The following DAB1 variants were observed in gnomAD, a reference collection of about 807,000 sequenced individuals.
DAB1 encodes the protein DAB adaptor protein 1.
In DAB1, 15 loss-of-function variants were observed where a neutral mutation model predicts 64.6. That is an observed-to-expected ratio of 0.23 (90% CI 0.16 to 0.36). DAB1 has a LOEUF of 0.36. DAB1 is among the 10% of genes least tolerant of loss of function. The pLI is 1.00. For synonymous variants in DAB1, 235 were observed against 251.9 expected (o/e 0.93, Z 0.64); for missense variants, 596 against 706.7 (o/e 0.84, Z 1.78).
rs543668274 is a variant in DAB1 at position 58,190,919 on chromosome 1, C to T, written n.310-40331G>A. Among the ~76,000 whole-genome samples the T allele has an allele frequency of 4.6e-5, 7 of 152,242 alleles. No homozygotes were observed. In the South Asian group the frequency reaches 1.2e-3, roughly 27 times the overall value. ...GGGGAGGGAGGAAAACTCGACTTCC[C>T]GCATGGGTGGAGGAAAGGGGACACA... On this transcript the variant is annotated intron_variant and non_coding_transcript_variant, in intron 4 of 20. Coordinates refer to the DAB1 transcript ENST00000485760.
intron 5 of DAB1, among the ~76,000 whole-genome samples, chr1:58,090,241 T>C (rs1241471223): frequency 6.6e-6 from 1 of 152,008 alleles, no homozygotes; most frequent in Non-Finnish European, 1.5e-5. Context: ...AACAAACAGC[T>C]GAAAACTAGG....
At chr1:58,482,409 A>C (rs1056843171) in intron 3 of DAB1, among the ~76,000 whole-genome samples, 1 of 152,234 alleles carries the variant, frequency 6.6e-6, no homozygotes, top group Non-Finnish European at 1.5e-5. Flanking sequence ...TAGCCTTAGA[A>C]CTATTTAACT....
intron 6 of DAB1, among the ~76,000 whole-genome samples, chr1:57,815,823 T>G (rs1212999075): frequency 2.6e-5 from 4 of 152,232 alleles, no homozygotes; most frequent in Non-Finnish European, 4.4e-5. Flanking sequence ...ATATCTCTAA[T>G]TTTGCACTTT....
At chr1:57,097,830 T>C (rs918308439) in intron 4 of DAB1, among the ~76,000 whole-genome samples, 1 of 152,110 alleles carries the variant, frequency 6.6e-6, no homozygotes, top group Admixed American at 6.5e-5. Flanking sequence ...CAGGCTGGAG[T>C]GCAGTGGTGC....
chr1:58,506,191 C>A (rs200720643), exon 3 of DAB1: 19 of 870,808 alleles, frequency 2.2e-5, no homozygotes, highest in African/African-American at 3.3e-5. Context: ...ACTGAACTGG[C>A]TCTTATGTCT....
At chr1:57,033,500 C>T in intron 9 of DAB1, 1 of 1,612,742 alleles carries the variant, frequency 6.2e-7, no homozygotes, top group Non-Finnish European at 8.5e-7. Flanking sequence ...AAACAGTTAA[C>T]CAGAGAGGGC....
chr1:58,546,233 G>C (rs1646701840), intron 1 of DAB1, among the ~76,000 whole-genome samples: 1 of 152,260 alleles, frequency 6.6e-6, no homozygotes, highest in Admixed American at 6.5e-5. Context: ...TCCTGAAGAG[G>C]GAAGGGGTGA....
Position 56,997,560 on chromosome 1 carries a change from CATGACAAA to C in DAB1, c.*576_*583del, listed in dbSNP as rs1645675658. On this transcript the variant is annotated 3_prime_UTR_variant, in exon 15 of 15. Transcript: ENST00000371236. ...ATTTGTACACCTATTAATTTTCAAA[CATGACAAA>C]AAAAGGAAAGGGGGGAAAATGGCAG... is the stretch of plus-strand genomic sequence containing the variant. 2.0e-5 allele frequency: 3 copies of C among 151,988 alleles called. No homozygotes were observed. The highest frequency in any genetic ancestry group is 4.1e-4 in the South Asian group (2 of 4,824). 9.4% of individuals were successfully genotyped at this position (151,988 alleles called of 1,614,324 possible).
chr1:58,191,230 A>T (rs1657371999), intron 4 of DAB1, among the ~76,000 whole-genome samples: 1 of 152,200 alleles, frequency 6.6e-6, no homozygotes, highest in African/African-American at 2.4e-5. Flanking sequence ...AGCACTTACT[A>T]TGACTATAAA....
At chr1:58,383,100 A>G (rs1041424615) in intron 3 of DAB1, among the ~76,000 whole-genome samples, 1 of 152,194 alleles carries the variant, frequency 6.6e-6, no homozygotes, top group Non-Finnish European at 1.5e-5. Flanking sequence ...CACTATACAT[A>G]AAGTATTTTC....
At chr1:57,118,858 C>G (rs1430686802) in intron 4 of DAB1, among the ~76,000 whole-genome samples, 1 of 151,360 alleles carries the variant, frequency 6.6e-6, no homozygotes, top group Admixed American at 6.6e-5. Context: ...ATCTGGGGTA[C>G]AGACAAGTTA....
chr1:57,767,218 C>A (rs923372801), intron 6 of DAB1, among the ~76,000 whole-genome samples: 1 of 152,030 alleles, frequency 6.6e-6, no homozygotes, highest in Admixed American at 6.6e-5. Context: ...CCTCTGGTAA[C>A]CATTCCCCAT....
chr1:58,040,138 A>G (rs1647112462), intron 5 of DAB1, among the ~76,000 whole-genome samples: 1 of 152,214 alleles, frequency 6.6e-6, no homozygotes, highest in African/African-American at 2.4e-5. Context: ...GTAACTTCAC[A>G]TGCTACATGT....
At chr1:57,337,865 TCCCTC>T (rs1188051726) in intron 1 of DAB1, among the ~76,000 whole-genome samples, 4 of 131,002 alleles carry the variant, frequency 3.1e-5, no homozygotes, top group Non-Finnish European at 5.1e-5. Context: ...CCCTTTCCCT[TCCCTC>T]CCCTCCCCTC....
chr1:57,204,501 C>T (rs1334545391), intron 2 of DAB1, among the ~76,000 whole-genome samples: 1 of 148,364 alleles, frequency 6.7e-6, no homozygotes, highest in Non-Finnish European at 1.5e-5. Context: ...TAAGAGTTGA[C>T]ATCAGCTGGT....
At chr1:57,100,736 A>T (rs996993032) in intron 4 of DAB1, among the ~76,000 whole-genome samples, 4 of 133,632 alleles carry the variant, frequency 3.0e-5, no homozygotes, top group African/African-American at 1.2e-4. Flanking sequence ...TTGAAGGATG[A>T]CTGGGAGCTC....
At chr1:58,194,803 G>T (rs2100242055) in intron 4 of DAB1, among the ~76,000 whole-genome samples, 1 of 152,262 alleles carries the variant, frequency 6.6e-6, no homozygotes. Context: ...TGCAGACAGA[G>T]CCCCAAGAAT....
At chr1:58,074,022 C>T (rs903341059) in intron 5 of DAB1, among the ~76,000 whole-genome samples, 1 of 152,200 alleles carries the variant, frequency 6.6e-6, no homozygotes, top group Non-Finnish European at 1.5e-5. Context: ...TGATGAGACA[C>T]AGGTTCAAAC....
At chr1:58,069,907 C>G (rs932458960) in intron 5 of DAB1, among the ~76,000 whole-genome samples, 10 of 152,184 alleles carry the variant, frequency 6.6e-5, no homozygotes, top group Admixed American at 2.0e-4. Flanking sequence ...CAAATATTCA[C>G]CTATAATGCC....
Sources: allele counts gnomAD v4.1 joint callset (sites outside exome capture counted in the v4.1 genomes callset), GRCh38; gene constraint gnomAD v4.1.1; transcripts MANE v1.5; gene names NCBI Gene and HGNC (gene_info 2026-07-23, HGNC 2026-07-21).